The following ASPH variants were observed in gnomAD, a reference collection of about 807,000 sequenced individuals.
ASPH encodes aspartyl/asparaginyl beta-hydroxylase.
Under a neutral mutation model 118.4 loss-of-function variants are expected in ASPH, and 100 were observed. That is an observed-to-expected ratio of 0.84 (90% CI 0.72 to 1.00). The LOEUF is 1.00. Among genes scored for constraint, ASPH ranks in the 50% least tolerant of loss-of-function variants. The pLI, the probability that ASPH is intolerant of heterozygous loss-of-function variation, is 0.00. For missense variants in ASPH, 920 were observed against 919.5 expected, an observed-to-expected ratio of 1.00 and a Z score of -0.01; for synonymous variants, 315 against 325.6, an observed-to-expected ratio of 0.97 and a Z score of 0.35.
At chr8:61,588,878 A>G (rs1256073635) in intron 14 of ASPH, among the ~76,000 whole-genome samples, 1 of 152,264 alleles carries the variant, frequency 6.6e-6, no homozygotes, top group Non-Finnish European at 1.5e-5. Context: ...CCCGATGTCC[A>G]TCAACTGGTG....
chr8:61,634,987 C>T (rs774211136), intron 12 of ASPH, among the ~76,000 whole-genome samples: 1 of 151,998 alleles, frequency 6.6e-6, no homozygotes, highest in Admixed American at 6.6e-5. Context: ...AAAAGTAAAC[C>T]GTGAATTAAT....
chr8:61,687,132 A>T lies in ASPH; in HGVS notation c.104-2944T>A, dbSNP rs562012994. ...AGTCTATAATGAAATAGCTAATAAAACAAAGTAATAGTTTGAATTCAAATT... is the reference window on the plus strand; with the variant it reads ...AGTCTATAATGAAATAGCTAATAAATCAAAGTAATAGTTTGAATTCAAATT... On this transcript the variant is annotated intron_variant, in intron 1 of 24. Transcript: ENST00000379454. 2.0e-5 allele frequency among the ~76,000 whole-genome samples: 3 copies of T among 152,236 alleles called. No homozygotes were observed. The East Asian group carries it at 5.8e-4, about 29-fold the overall frequency.
intron 21 of ASPH, among the ~76,000 whole-genome samples, chr8:61,537,158 C>T (rs1377349701): frequency 3.3e-5 from 5 of 152,280 alleles, no homozygotes; most frequent in Admixed American, 2.0e-4. Context: ...GAAGCCAGTC[C>T]GCCCTATCAG....
chr8:61,702,518 C>T (rs960141637), intron 1 of ASPH, among the ~76,000 whole-genome samples: 2 of 152,100 alleles, frequency 1.3e-5, no homozygotes, highest in Non-Finnish European at 2.9e-5. Flanking sequence ...GATCTCCTGA[C>T]CTTGTGATCC....
In ASPH at chr8:61,562,389, C is replaced by CTGTG. The variant is rs150312211; in HGVS notation, c.1437+351_1437+354dup. On this transcript the variant is annotated intron_variant, in intron 18 of 24. Coordinates refer to ENST00000379454, the MANE Select transcript of ASPH (RefSeq NM_004318.4). ...AAAAAAAAAAAAAAGGAAAGTGTGT[C>CTGTG]TGTGTGTGTGTGTGTGTGTGTGTGT... is the stretch of plus-strand genomic sequence containing the variant. 1.3e-3 allele frequency among the ~76,000 whole-genome samples: 169 copies of CTGTG among 128,982 alleles called. 2 individuals carry two copies. The highest frequency in any genetic ancestry group is 3.6e-3 in the African/African-American group (128 of 35,546). The allele number at this position is 128,982 out of a possible 152,430, so 84.6% of individuals were successfully genotyped here.
chr8:61,535,556 A>T (rs764258477), intron 21 of ASPH, among the ~76,000 whole-genome samples: 7 of 152,198 alleles, frequency 4.6e-5, no homozygotes, highest in Non-Finnish European at 1.0e-4. Flanking sequence ...GAGGAAAGGG[A>T]TGCTGTGAAA....
intron 24 of ASPH, among the ~76,000 whole-genome samples, chr8:61,516,129 T>C (rs1398728291): frequency 3.3e-5 from 5 of 152,226 alleles, no homozygotes; most frequent in African/African-American, 1.2e-4. Flanking sequence ...GTGGCCATAA[T>C]TTTTGGCCTC....
intron 14 of ASPH, among the ~76,000 whole-genome samples, chr8:61,596,128 G>A (rs1008713340): frequency 6.6e-6 from 1 of 152,130 alleles, no homozygotes; most frequent in East Asian, 1.9e-4. Flanking sequence ...GGAACCTGGA[G>A]ATTGGTTCAC....
At chr8:61,572,873 A>G (rs1587405956) in intron 16 of ASPH, among the ~76,000 whole-genome samples, 3 of 152,350 alleles carry the variant, frequency 2.0e-5, no homozygotes, top group South Asian at 2.1e-4. Context: ...GTAATCAGGC[A>G]AGAGAAAGAA....
chr8:61,585,139 T>C (rs895569591), intron 14 of ASPH, among the ~76,000 whole-genome samples: 3 of 152,210 alleles, frequency 2.0e-5, no homozygotes, highest in African/African-American at 7.2e-5. Flanking sequence ...CATTGCTTAC[T>C]TAGCAAACAG....
chr8:61,659,689 G>T (rs547856081), intron 3 of ASPH: 1 of 152,336 alleles, frequency 6.6e-6, no homozygotes, highest in East Asian at 1.9e-4. Context: ...ACCAAAGACT[G>T]TTATTGAGGA....
At chr8:61,598,791 G>T (rs1292753387) in intron 14 of ASPH, among the ~76,000 whole-genome samples, 1 of 152,070 alleles carries the variant, frequency 6.6e-6, no homozygotes, top group Non-Finnish European at 1.5e-5. Context: ...ATCATATCAG[G>T]TATCTTCCAG....
Position 61,518,039 on chromosome 8 carries a change from C to A in ASPH, c.1985G>T (p.Arg662Ile). Reference protein sequence around the residue: ...EKFPETTGCRRGQIKYSIMHP... With the variant: ...EKFPETTGCRIGQIKYSIMHP... ...GCACGACACTCTTGGTACCTGTCCT[C>A]TTCTGCATCCTGTTGTCTCGGGGAA... is the stretch of plus-strand genomic sequence containing the variant. Residue 662 changes from arginine to isoleucine, a missense_variant, in exon 23 of 25, where the codon AGA (arginine) becomes ATA (isoleucine). Coordinates refer to ENST00000379454, the MANE Select transcript of ASPH (RefSeq NM_004318.4). The A allele has an allele frequency of 1.9e-6, 3 of 1,613,096 alleles. No individual in the cohort carries two copies. The South Asian group carries it at 3.3e-5, about 18-fold the overall frequency.
chr8:61,590,941 T>C (rs1298283344), intron 14 of ASPH, among the ~76,000 whole-genome samples: 2 of 152,206 alleles, frequency 1.3e-5, no homozygotes, highest in Non-Finnish European at 2.9e-5. Context: ...CCTATGGTCA[T>C]ATAACATTCT....
rs1365775293 is a variant in ASPH at position 61,651,031 on chromosome 8, A to G, written c.490+19T>C. 7.5e-6 allele frequency: 12 copies of G among 1,596,070 alleles called. No individual in the cohort carries two copies. Among genetic ancestry groups the G allele is most frequent in the Non-Finnish European group, 1.0e-5 (12 of 1,170,502 alleles). On this transcript the variant is annotated intron_variant, in intron 5 of 24. Coordinates refer to ENST00000379454, the MANE Select transcript of ASPH (RefSeq NM_004318.4). The stretch of plus-strand genomic sequence containing the variant: ...GTTATTTTAGTAACTCAAAACAAAG[A>G]GCAGATTTTAATTCATACCATGTTC...
rs765507263 is a variant in ASPH, at chr8:61,553,017, CAT to C, written c.1626+12_1626+13del. The C allele has an allele frequency of 1.6e-5, 26 of 1,583,730 alleles. No individual in the cohort carries two copies. The African/African-American group carries it at 3.5e-4, about 21-fold the overall frequency. On this transcript the variant is annotated intron_variant, in intron 20 of 24. Coordinates refer to ENST00000379454, the MANE Select transcript of ASPH (RefSeq NM_004318.4). Reference sequence around the variant, plus strand: ...CCTCTGTTAGAGAGAATCAGAAATTCATATACCCATTACCTCTTTGTTCCCAA... The same window carrying C: ...CCTCTGTTAGAGAGAATCAGAAATTCATACCCATTACCTCTTTGTTCCCAA...
At chr8:61,686,213 A>C (rs186563192) in intron 1 of ASPH, among the ~76,000 whole-genome samples, 15 of 152,332 alleles carry the variant, frequency 9.8e-5, no homozygotes, top group African/African-American at 3.4e-4. Context: ...CTATATAAAA[A>C]CGTAATTTAT....
At chr8:61,560,896 A>C (rs1829571118) in intron 18 of ASPH, among the ~76,000 whole-genome samples, 1 of 151,874 alleles carries the variant, frequency 6.6e-6, no homozygotes, top group African/African-American at 2.4e-5. Context: ...CACCCAGTCA[A>C]CACTTCAGAA....
chr8:61,562,672 G>C (rs117141777), intron 18 of ASPH, 72 bp downstream of exon 18: 14,492 of 1,359,966 alleles, frequency 0.011, 101 homozygotes, highest in Non-Finnish European at 0.013. Context: ...AGAGAGACTG[G>C]GTATAATAAA....
Sources: gnomAD v4.1 joint callset for allele counts (sites outside exome capture counted in the v4.1 genomes callset) on GRCh38, gnomAD v4.1.1 for gene constraint, MANE v1.5 for transcripts, NCBI Gene and HGNC (gene_info 2026-07-23, HGNC 2026-07-21) for gene names.